Variants in MRAP observed in about 807,000 individuals in gnomAD.
MRAP encodes the protein melanocortin-2 receptor accessory protein.
In MRAP, 8 loss-of-function variants were observed where a neutral mutation model predicts 8.7. The observed-to-expected ratio is 0.92, with a 90% CI of 0.54 to 1.66. MRAP has a LOEUF of 1.66. Among genes scored for constraint, MRAP ranks in the 40% most tolerant of loss-of-function variants. MRAP has a pLI of 0.00. For synonymous variants in MRAP, 95 were observed against 95.5 expected (o/e 1.00, Z 0.03); for missense variants, 237 against 217.1 (o/e 1.09, Z -0.58).
At chr21:32,314,410 C>T (rs2032645019), downstream of MRAP, 14 of 714,558 alleles carry the variant, frequency 2.0e-5, no homozygotes, top group South Asian at 2.0e-4. Flanking sequence ...GTTTCGAACT[C>T]CTGACCTCAG....
rs137912138 is a variant in MRAP at position 32,305,205 on chromosome 21, G to A, written c.107-1435G>A. Among the ~76,000 whole-genome samples, 407 of 152,098 alleles carry A rather than the reference G, an allele frequency of 2.7e-3. 2 individuals carry two copies. Among genetic ancestry groups the A allele is most frequent in the East Asian group, 0.02 (105 of 5,150 alleles). On this transcript the variant is annotated intron_variant, in intron 1 of 2. Coordinates refer to ENST00000303645, the MANE Select transcript of MRAP (RefSeq NM_001379228.1). ...AGGCTGGTCTCGAACTCCTGGACTC[G>A]AGTGATCCACCTCCCACCTTGGCCT...
intron 1 of MRAP, 200 bp from the exon 2 acceptor site, chr21:32,306,440 A>G (rs1326472074): frequency 6.3e-6 from 4 of 638,450 alleles, no homozygotes; most frequent in African/African-American, 5.4e-5. Context: ...GCCCTGAGGA[A>G]AAAGACACTT....
In MRAP at chr21:32,312,183, A is replaced by G; in HGVS notation, c.*187A>G. 1 of 1,500,798 alleles carries G rather than the reference A, an allele frequency of 6.7e-7. No individual in the cohort carries two copies. The highest frequency in any genetic ancestry group is 8.9e-7 in the Non-Finnish European group (1 of 1,127,938). 93.0% of individuals were successfully genotyped at this position (1,500,798 alleles called of 1,614,324 possible). A position where few individuals can be genotyped will look rare whatever the true frequency, so the allele number is the denominator to read the frequency against. Reference sequence around the variant, plus strand: ...CAGTGGCCCCTCGAGTGCAGAGGTCATCCCAGGTGTTGCTGAGTTTATTGA... The same window carrying G: ...CAGTGGCCCCTCGAGTGCAGAGGTCGTCCCAGGTGTTGCTGAGTTTATTGA... On this transcript the variant is annotated 3_prime_UTR_variant, in exon 3 of 3. Transcript: ENST00000303645.
intron 1 of MRAP, among the ~76,000 whole-genome samples, chr21:32,292,771 G>A (rs1278714941): frequency 2.7e-5 from 4 of 150,874 alleles, no homozygotes; most frequent in Admixed American, 2.6e-4. Context: ...CCCAATGGCT[G>A]GGCATGGTGT....
At chr21:32,308,630 G>A (rs533091986) in intron 2 of MRAP, 2 of 152,708 alleles carry the variant, frequency 1.3e-5, no homozygotes, top group East Asian at 1.9e-4. Context: ...GTTCTTAGGA[G>A]GGACCCTATA....
At chr21:32,299,783 G>A (rs898387703) in intron 1 of MRAP, among the ~76,000 whole-genome samples, 2 of 152,154 alleles carry the variant, frequency 1.3e-5, no homozygotes, top group African/African-American at 4.8e-5. Flanking sequence ...CAGATTTAAT[G>A]ATTTTTACTA....
chr21:32,296,562 C>T (rs751580486), upstream of MRAP, among the ~76,000 whole-genome samples: 7 of 152,152 alleles, frequency 4.6e-5, no homozygotes, highest in Non-Finnish European at 8.8e-5. Flanking sequence ...AGTCTACTTA[C>T]ACGAATCTAG....
chr21:32,301,919 A>G (rs1244894152), intron 1 of MRAP, among the ~76,000 whole-genome samples: 1 of 152,244 alleles, frequency 6.6e-6, no homozygotes, highest in East Asian at 1.9e-4. Context: ...CAAAGTATAG[A>G]TTAAACAAAA....
intron 2 of MRAP, among the ~76,000 whole-genome samples, chr21:32,307,576 CA>C (rs1175455972): frequency 0.058 from 3,496 of 60,422 alleles, 76 homozygotes; most frequent in African/African-American, 0.15. Context: ...GACTCCGTCT[CA>C]AAAAAAAAAA....
upstream of MRAP, among the ~76,000 whole-genome samples, chr21:32,294,434 T>C (rs1401048459): frequency 6.6e-6 from 1 of 152,198 alleles, no homozygotes; most frequent in Non-Finnish European, 1.5e-5. Flanking sequence ...CTGATTTTAA[T>C]TGCATCTCCC....
Position 32,306,155 on chromosome 21 carries a change from C to T in MRAP, c.107-485C>T, listed in dbSNP as rs368312932. On this transcript the variant is annotated intron_variant, in intron 1 of 2. Coordinates refer to ENST00000303645, the MANE Select transcript of MRAP (RefSeq NM_001379228.1). ...GGGCCTCCCCACCGGAGCGCTGTAG[C>T]CCAGCGCACATCCTCCGCAGGGTAT... Among the ~76,000 whole-genome samples the T allele has an allele frequency of 3.0e-4, 45 of 152,322 alleles. No homozygotes were observed. The East Asian group carries it at 6.9e-3, about 23-fold the overall frequency.
intron 2 of MRAP, 95 bp downstream of exon 2, chr21:32,306,834 C>A: frequency 1.0e-6 from 1 of 976,002 alleles, no homozygotes; most frequent in Non-Finnish European, 1.6e-6. Flanking sequence ...ATGCTGGAGA[C>A]CAGAAGTGTT....
intron 1 of MRAP, 170 bp from the exon 2 acceptor site, chr21:32,306,470 C>G: frequency 2.9e-6 from 2 of 684,682 alleles, no homozygotes; most frequent in Non-Finnish European, 5.3e-6. Context: ...CCTGTTCTTT[C>G]CCAAAGTTAT....
At chr21:32,293,923 GTC>G (rs776507234), upstream of MRAP, among the ~76,000 whole-genome samples, 6 of 150,500 alleles carry the variant, frequency 4.0e-5, no homozygotes, top group Non-Finnish European at 7.4e-5. Flanking sequence ...TTTCTAGTCA[GTC>G]TCTGCTTATC....
In MRAP at chr21:32,312,249, G is replaced by C. The variant is rs1244556929; in HGVS notation, c.*253G>C. 13 of 1,414,948 alleles carry C rather than the reference G, an allele frequency of 9.2e-6. No individual in the cohort carries two copies. The highest frequency in any genetic ancestry group is 9.2e-7 in the Non-Finnish European group (1 of 1,087,342). 87.6% of individuals were successfully genotyped at this position (1,414,948 alleles called of 1,614,324 possible). On this transcript the variant is annotated 3_prime_UTR_variant, in exon 3 of 3. Coordinates refer to ENST00000303645, the MANE Select transcript of MRAP (RefSeq NM_001379228.1). Reference sequence around the variant, plus strand: ...TTGCTTACTGCTTATATTTGCTCAGGGAAGAGTAGGAAAATAAAATATATG... The same window carrying C: ...TTGCTTACTGCTTATATTTGCTCAGCGAAGAGTAGGAAAATAAAATATATG...
At chr21:32,311,423 C>CCCCCCCAAAAAA in intron 2 of MRAP, 1 of 292,250 alleles carries the variant, frequency 3.4e-6, no homozygotes. Context: ...CCACCCCCCC[C>CCCCCCCAAAAAA]ATCCTAAATC....
chr21:32,295,261 C>T (rs1041611238), upstream of MRAP, among the ~76,000 whole-genome samples: 17 of 152,272 alleles, frequency 1.1e-4, no homozygotes, highest in African/African-American at 3.9e-4. Context: ...GGGGGCCAAG[C>T]GGGCAACTGG....
chr21:32,297,347 G>C (rs2032158291), upstream of MRAP, among the ~76,000 whole-genome samples: 1 of 152,164 alleles, frequency 6.6e-6, no homozygotes. Flanking sequence ...TTCATCAATG[G>C]TGCCCACATA....
chr21:32,294,728 G>C (rs2032109939), upstream of MRAP, among the ~76,000 whole-genome samples: 1 of 152,026 alleles, frequency 6.6e-6, no homozygotes, highest in Non-Finnish European at 1.5e-5. Flanking sequence ...CATTTCTACA[G>C]TTTGTAAAGC....
Sources: gnomAD v4.1 joint callset for allele counts (sites outside exome capture counted in the v4.1 genomes callset) on GRCh38, gnomAD v4.1.1 for gene constraint, MANE v1.5 for transcripts, NCBI Gene and HGNC (gene_info 2026-07-23, HGNC 2026-07-21) for gene names.